PATJ: variants seen among roughly 807,000 people sequenced by gnomAD.
PATJ encodes the protein inaD-like protein.
PATJ carries 190 observed loss-of-function variants against 224.9 expected under a neutral mutation model. That is an observed-to-expected ratio of 0.84 (90% CI 0.75 to 0.95). The LOEUF (loss-of-function observed/expected upper bound fraction) is 0.95, where lower values mean the gene tolerates loss of function less well. Ranked by LOEUF, PATJ falls within the 40% of genes least tolerant of loss-of-function variation. The pLI is 0.00. For missense variants in PATJ, 2,121 were observed against 2,270.3 expected (o/e 0.93, Z 1.34); for synonymous variants, 769 against 820.3 (o/e 0.94, Z 1.07).
chr1:62,092,107 G>C (rs1239836581), intron 33 of PATJ, among the ~76,000 whole-genome samples: 1 of 151,848 alleles, frequency 6.6e-6, no homozygotes, highest in Non-Finnish European at 1.5e-5. Context: ...GCCAGGTGCA[G>C]TGGCTCACAC....
Position 61,763,095 on chromosome 1 carries a change from A to G in PATJ, c.105A>G (p.Leu35=), listed in dbSNP as rs1431805464. 1 of 1,611,212 alleles carries G rather than the reference A, an allele frequency of 6.2e-7. No homozygotes were observed. The highest frequency in any genetic ancestry group is 1.1e-5 in the South Asian group (1 of 90,784). The part of the protein sequence containing the change: ...EKGDTSQNEK[L]SMFYETLKSP... ...GTGACACGTCGCAGAATGAGAAGTT[A>G]TCTATGTTTTATGAGACACTAAAGA... is the stretch of plus-strand genomic sequence containing the variant. Residue 35 remains leucine (L), a synonymous_variant, in exon 3 of 44, where the codon TTA becomes TTG. Transcript: ENST00000642238.
chr1:61,789,819 TAA>T (rs1363090875), intron 8 of PATJ, among the ~76,000 whole-genome samples: 2 of 151,962 alleles, frequency 1.3e-5, no homozygotes, highest in East Asian at 3.9e-4. Context: ...CTCAAAAAAA[TAA>T]AAAGTTTCTC....
intron 11 of PATJ, among the ~76,000 whole-genome samples, chr1:61,799,003 T>A (rs1191932216): frequency 6.6e-6 from 1 of 152,162 alleles, no homozygotes; most frequent in Non-Finnish European, 1.5e-5. Flanking sequence ...ACAATACACC[T>A]GGAAGCCTTT....
rs1353081817 is a variant in PATJ, at chr1:61,908,416, T to A, written c.3426T>A (p.Val1142=). ...AGAATGCCTCACACAGCGAAGCAGT[T>A]GAGGCCATTAAGAATGCAGGAAACC... ...DLQNASHSEA[V]EAIKNAGNPV... is the part of the protein sequence containing the mutation. The change falls in exon 25 of 44, where the codon GTT becomes GTA. Residue 1142 remains valine (V), a synonymous_variant. Transcript: ENST00000642238. The A allele has an allele frequency of 6.2e-7, 1 of 1,614,058 alleles. No homozygotes were observed. The highest frequency in any genetic ancestry group is 8.5e-7 in the Non-Finnish European group (1 of 1,179,936).
At chr1:62,146,152 A>G (rs554000856) in intron 41 of PATJ, among the ~76,000 whole-genome samples, 73 of 152,220 alleles carry the variant, frequency 4.8e-4, no homozygotes, top group Non-Finnish European at 8.2e-4. Flanking sequence ...CGTGCCAGGC[A>G]GAAGGCACAG....
At chr1:61,799,492 G>C (rs1026435939) in intron 11 of PATJ, among the ~76,000 whole-genome samples, 1 of 152,104 alleles carries the variant, frequency 6.6e-6, no homozygotes, top group Admixed American at 6.6e-5. Flanking sequence ...ACCACGCCTG[G>C]CACAAATGCC....
intron 1 of PATJ, among the ~76,000 whole-genome samples, chr1:61,744,017 T>G (rs187047915): frequency 2.0e-5 from 3 of 152,218 alleles, no homozygotes; most frequent in African/African-American, 7.2e-5. Context: ...GCAGGTGTTA[T>G]GGAGAGCATC....
At chr1:62,006,087 C>T (rs1646075206) in intron 28 of PATJ, among the ~76,000 whole-genome samples, 1 of 151,072 alleles carries the variant, frequency 6.6e-6, no homozygotes, top group Admixed American at 6.6e-5. Context: ...CTTCAGTATA[C>T]ATTTCTTTTC....
intron 31 of PATJ, among the ~76,000 whole-genome samples, chr1:62,074,586 A>G (rs1657989725): frequency 6.6e-6 from 1 of 152,144 alleles, no homozygotes; most frequent in Admixed American, 6.5e-5. Context: ...GTTGTGAGCT[A>G]CTGCATCTGG....
chr1:61,810,503 C>T (rs1654488883), intron 14 of PATJ, among the ~76,000 whole-genome samples: 1 of 151,874 alleles, frequency 6.6e-6, no homozygotes, highest in African/African-American at 2.4e-5. Context: ...TCGAGACCAG[C>T]CTGGCCAACA....
At chr1:62,144,205 G>A (rs187978623) in intron 41 of PATJ, among the ~76,000 whole-genome samples, 37 of 151,948 alleles carry the variant, frequency 2.4e-4, no homozygotes, top group Non-Finnish European at 4.7e-4. Flanking sequence ...CTATAACTTG[G>A]ACATAGCAGT....
At chr1:61,886,796 G>A (rs12121822) in intron 22 of PATJ, among the ~76,000 whole-genome samples, 6,434 of 82,882 alleles carry the variant, frequency 0.078, 374 homozygotes, top group Non-Finnish European at 0.11. Context: ...CTCCAGCCTG[G>A]GCAACAGAGC....
At chr1:61,877,261 T>TC (rs1667461573) in intron 21 of PATJ, among the ~76,000 whole-genome samples, 1 of 151,276 alleles carries the variant, frequency 6.6e-6, no homozygotes, top group African/African-American at 2.4e-5. Flanking sequence ...TTCATTACTT[T>TC]TTTTTTTTTC....
intron 41 of PATJ, among the ~76,000 whole-genome samples, chr1:62,147,803 A>C (rs1404686131): frequency 6.6e-6 from 1 of 151,912 alleles, no homozygotes; most frequent in African/African-American, 2.4e-5. Context: ...GACTAAAAAA[A>C]AAAAAAAAAA....
intron 28 of PATJ, among the ~76,000 whole-genome samples, chr1:62,010,078 CAA>C (rs34658070): frequency 1.7e-4 from 14 of 84,260 alleles, no homozygotes; most frequent in Non-Finnish European, 1.8e-4. Flanking sequence ...GACTCCATCT[CAA>C]AAAAAAAAAA....
chr1:61,829,852 C>T (rs542752512), intron 16 of PATJ, among the ~76,000 whole-genome samples: 2 of 152,306 alleles, frequency 1.3e-5, no homozygotes, highest in Non-Finnish European at 2.9e-5. Flanking sequence ...AGTAAAACAT[C>T]AATCATGTTG....
intron 16 of PATJ, among the ~76,000 whole-genome samples, chr1:61,828,644 A>ATCCTGG: frequency 6.6e-6 from 1 of 152,070 alleles, no homozygotes; most frequent in African/African-American, 2.4e-5. Flanking sequence ...CTCCCACCTC[A>ATCCTGG]ACCCCCCAAA....
At chr1:61,793,058 T>TA (rs1650225001) in intron 9 of PATJ, among the ~76,000 whole-genome samples, 1 of 152,164 alleles carries the variant, frequency 6.6e-6, no homozygotes, top group Admixed American at 6.5e-5. Context: ...AGTTCTTTTT[T>TA]AAAAATTATT....
intron 30 of PATJ, among the ~76,000 whole-genome samples, chr1:62,043,092 T>A (rs185820874): frequency 5.7e-4 from 87 of 152,314 alleles, no homozygotes; most frequent in African/African-American, 2.0e-3. Flanking sequence ...GGGTTTTGGT[T>A]TTGGCTCTAC....
Sources: allele counts gnomAD v4.1 joint callset (sites outside exome capture counted in the v4.1 genomes callset), GRCh38; gene constraint gnomAD v4.1.1; transcripts MANE v1.5; gene names NCBI Gene and HGNC (gene_info 2026-07-23, HGNC 2026-07-21).